Variants in TMEM266 observed in about 807,000 individuals in gnomAD.
The protein encoded by TMEM266 is transmembrane protein 266.
In TMEM266, 33 loss-of-function variants were observed where a neutral mutation model predicts 50.5. The ratio of observed to expected loss-of-function variants is 0.65; its 90% CI spans 0.50 to 0.87. TMEM266 has a LOEUF of 0.87. Among genes scored for constraint, TMEM266 ranks in the 40% least tolerant of loss-of-function variants. TMEM266 has a pLI of 0.00. For missense variants in TMEM266, 655 were observed against 695.1 expected, an observed-to-expected ratio of 0.94 and a Z score of 0.65; for synonymous variants, 310 against 292.3, an observed-to-expected ratio of 1.06 and a Z score of -0.62.
At chr15:76,109,348 C>G (rs1360656196) in intron 1 of TMEM266, among the ~76,000 whole-genome samples, 2 of 152,140 alleles carry the variant, frequency 1.3e-5, no homozygotes, top group Non-Finnish European at 2.9e-5. Flanking sequence ...ATTTTTCAAG[C>G]AAGAAGCCAG....
At chr15:76,103,779 G>A (rs1369795791) in intron 1 of TMEM266, among the ~76,000 whole-genome samples, 2 of 152,054 alleles carry the variant, frequency 1.3e-5, no homozygotes, top group South Asian at 2.1e-4. Flanking sequence ...GGGCATGATG[G>A]TGCACACCTG....
intron 7 of TMEM266, chr15:76,175,179 C>G (rs780027326): frequency 9.2e-5 from 19 of 206,660 alleles, no homozygotes; most frequent in Admixed American, 1.6e-4. Context: ...GGCCCCAGCT[C>G]CTTTGTGAAG....
chr15:76,067,393 A>G (rs1294936030), intron 1 of TMEM266, among the ~76,000 whole-genome samples: 1 of 151,970 alleles, frequency 6.6e-6, no homozygotes, highest in East Asian at 1.9e-4. Flanking sequence ...CTATAATCTC[A>G]GCACTTTGGG....
intron 8 of TMEM266, among the ~76,000 whole-genome samples, chr15:76,189,264 G>T (rs940504963): frequency 1.3e-5 from 2 of 150,098 alleles, no homozygotes; most frequent in Non-Finnish European, 2.9e-5. Flanking sequence ...AAGTAAGGAA[G>T]GGAGGAAGGG....
At chr15:76,123,581 A>T (rs925940915) in intron 1 of TMEM266, among the ~76,000 whole-genome samples, 3 of 152,208 alleles carry the variant, frequency 2.0e-5, no homozygotes, top group African/African-American at 7.2e-5. Flanking sequence ...CCTCAGAACC[A>T]CATCAGAAGT....
intron 1 of TMEM266, among the ~76,000 whole-genome samples, chr15:76,107,365 G>C (rs1596108667): frequency 6.6e-6 from 1 of 152,190 alleles, no homozygotes; most frequent in East Asian, 1.9e-4. Flanking sequence ...TCATACCAGA[G>C]TATGTCGCTC....
intron 3 of TMEM266, among the ~76,000 whole-genome samples, chr15:76,149,306 T>C (rs1173001762): frequency 6.6e-6 from 1 of 152,156 alleles, no homozygotes; most frequent in Non-Finnish European, 1.5e-5. Context: ...TTTTGAGTGG[T>C]CTAGAACTAG....
rs2038017135 is a variant in TMEM266 at position 76,161,420 on chromosome 15, A to G, written c.456+1252A>G. 2.0e-5 allele frequency among the ~76,000 whole-genome samples: 3 copies of G among 151,994 alleles called. No individual in the cohort carries two copies. In the South Asian group the frequency reaches 6.2e-4, roughly 32 times the overall value. On this transcript the variant is annotated intron_variant, in intron 5 of 10. Transcript: ENST00000388942. This position sits in a 1 kb window ranked among gnomAD's most constrained non-coding sequence, Gnocchi z 4.1. ...GGGAACCCCGGGAGTCAGGAGTCCC[A>G]GCATCCTCCTGTGTGTCCCCTCTGG...
At chr15:76,183,910 G>A (rs765790897) in intron 8 of TMEM266, among the ~76,000 whole-genome samples, 13 of 152,214 alleles carry the variant, frequency 8.5e-5, no homozygotes, top group African/African-American at 2.7e-4. Context: ...CGGAGCAGAC[G>A]TGGGAGGTGG....
At position 76,141,397 on chromosome 15, in the gene TMEM266, A is replaced by T. The variant is rs144132881; in HGVS notation, c.227+3502A>T. On this transcript the variant is annotated intron_variant, in intron 3 of 10. Transcript: ENST00000388942. Reference sequence around the variant, plus strand: ...ATTACAGACGCGTGCAATCATGCCCAGCTAATTTTTTTTTTCTTTTTAATA... The same window carrying T: ...ATTACAGACGCGTGCAATCATGCCCTGCTAATTTTTTTTTTCTTTTTAATA... 6.0e-3 allele frequency among the ~76,000 whole-genome samples: 906 copies of T among 151,850 alleles called. 5 individuals carry two copies. The highest frequency in any genetic ancestry group is 0.01 in the Non-Finnish European group (703 of 67,926).
At chr15:76,156,801 A>G in intron 4 of TMEM266, 43 bp downstream of exon 4, 3 of 1,593,378 alleles carry the variant, frequency 1.9e-6, no homozygotes, top group Non-Finnish European at 2.6e-6. Flanking sequence ...ATATGATGTC[A>G]ATATTCAATG....
At chr15:76,081,727 A>G (rs1049738006) in intron 1 of TMEM266, among the ~76,000 whole-genome samples, 2 of 152,168 alleles carry the variant, frequency 1.3e-5, no homozygotes, top group Non-Finnish European at 2.9e-5. Flanking sequence ...GTAGATGGCG[A>G]ATGTATGAGA....
Position 76,168,184 on chromosome 15 carries a change from G to A in TMEM266, c.457-1632G>A, listed in dbSNP as rs903961497. Among the ~76,000 whole-genome samples, 13 of 152,036 alleles carry A rather than the reference G, an allele frequency of 8.6e-5. No homozygotes were observed. In the South Asian group the frequency reaches 2.1e-3, roughly 24 times the overall value. On this transcript the variant is annotated intron_variant, in intron 5 of 10. Coordinates refer to ENST00000388942, the MANE Select transcript of TMEM266 (RefSeq NM_152335.3). The surrounding 1 kb of genome is among the most constrained non-coding windows in gnomAD (Gnocchi z 4.4). The stretch of plus-strand genomic sequence containing the variant: ...TCTCCCCACCCCTGCAAGCTGTCTC[G>A]CAGTTAAGCGTGGGGCCACCCACCC...
intron 7 of TMEM266, among the ~76,000 whole-genome samples, chr15:76,174,639 C>G (rs1056319278): frequency 6.6e-6 from 1 of 152,204 alleles, no homozygotes; most frequent in Non-Finnish European, 1.5e-5. Flanking sequence ...TTTCATGACT[C>G]CAAAGAGAAA....
Position 76,204,199 on chromosome 15 carries a change from A to G in TMEM266, c.1480A>G (p.Thr494Ala). Residue 494 changes from threonine (T) to alanine (A), a missense_variant, in exon 11 of 11, where the codon ACT (threonine) becomes GCT (alanine). Around this residue, in one of 3 missense-constraint regions of TMEM266, gnomAD observed 455 missense variants for 401.8 expected, o/e 1.13. Coordinates refer to ENST00000388942, the MANE Select transcript of TMEM266 (RefSeq NM_152335.3). ...CAACCAGAAGAACCAGGAGGGCTTC[A>G]CTGTCTTTCAGATCAGGCCTGTCAT... The G allele has an allele frequency of 6.2e-7, 1 of 1,613,972 alleles. No individual in the cohort carries two copies. The highest frequency in any genetic ancestry group is 8.5e-7 in the Non-Finnish European group (1 of 1,180,024).
chr15:76,154,753 C>T (rs966652595), intron 3 of TMEM266, among the ~76,000 whole-genome samples: 2 of 152,154 alleles, frequency 1.3e-5, no homozygotes, highest in Non-Finnish European at 2.9e-5. Flanking sequence ...GCCTATCATT[C>T]CCAGAGGAGT....
At chr15:76,099,350 C>T (rs1190032657) in intron 1 of TMEM266, among the ~76,000 whole-genome samples, 2 of 152,220 alleles carry the variant, frequency 1.3e-5, no homozygotes, top group African/African-American at 4.8e-5. Flanking sequence ...ACCTCTTGTG[C>T]TTCCCAGGTG....
chr15:76,131,607 T>G lies in TMEM266; in HGVS notation c.-96-2561T>G, dbSNP rs1187539111. 2.0e-5 allele frequency among the ~76,000 whole-genome samples: 3 copies of G among 152,206 alleles called. No individual in the cohort carries two copies. The East Asian group carries it at 5.8e-4, about 29-fold the overall frequency. ...ACTGATTAAATCTGTTATGGAATTTTATAAGACTTAGTATAAAATGGATAT... is the reference window on the plus strand; with the variant it reads ...ACTGATTAAATCTGTTATGGAATTTGATAAGACTTAGTATAAAATGGATAT... On this transcript the variant is annotated intron_variant, in intron 1 of 10. Transcript: ENST00000388942.
intron 8 of TMEM266, among the ~76,000 whole-genome samples, chr15:76,188,912 C>T (rs1351370388): frequency 6.6e-6 from 1 of 152,200 alleles, no homozygotes; most frequent in East Asian, 1.9e-4. Context: ...TACAGTGGCT[C>T]ACACCTGTAA....
Sources: allele counts gnomAD v4.1 joint callset (sites outside exome capture counted in the v4.1 genomes callset), GRCh38; gene constraint gnomAD v4.1.1; regional missense constraint gnomAD v4.1.1; non-coding constraint Gnocchi (gnomAD v3.1); transcripts MANE v1.5; gene names NCBI Gene and HGNC (gene_info 2026-07-23, HGNC 2026-07-21).